Variants in ZNF512 observed in about 807,000 individuals in gnomAD.
The protein encoded by ZNF512 is zinc finger protein 512.
Under a neutral mutation model 77.5 loss-of-function variants are expected in ZNF512, and 25 were observed. The observed-to-expected ratio is 0.32, with a 90% CI of 0.23 to 0.45. ZNF512 has a LOEUF of 0.45. ZNF512 is among the 20% of genes least tolerant of loss of function. The pLI is 1.00. For synonymous variants in ZNF512, 246 were observed against 239.9 expected, an observed-to-expected ratio of 1.03 and a Z score of -0.24; for missense variants, 483 against 692.6, an observed-to-expected ratio of 0.70 and a Z score of 3.40.
chr2:27,618,080 T>C (rs1298497044), intron 13 of ZNF512, among the ~76,000 whole-genome samples: 1 of 151,804 alleles, frequency 6.6e-6, no homozygotes, highest in Non-Finnish European at 1.5e-5. Flanking sequence ...CCACCATGCC[T>C]GGCTAATTTT....
At chr2:27,607,529 A>C (rs1466116268) in intron 9 of ZNF512, among the ~76,000 whole-genome samples, 1 of 151,994 alleles carries the variant, frequency 6.6e-6, no homozygotes, top group East Asian at 1.9e-4. Context: ...CACCATGCCA[A>C]GCTAATTTTT....
chr2:27,594,330 T>C (rs1379917404), intron 2 of ZNF512, among the ~76,000 whole-genome samples: 35 of 85,970 alleles, frequency 4.1e-4, no homozygotes, highest in South Asian at 8.9e-4. Flanking sequence ...CCTCACCTCC[T>C]AAACGGGGTG....
intron 7 of ZNF512, 120 bp from the exon 8 acceptor site, chr2:27,602,343 G>T: frequency 2.4e-6 from 2 of 842,890 alleles, no homozygotes; most frequent in Non-Finnish European, 1.8e-6. Flanking sequence ...CAGAAAACTT[G>T]GGCTTCATTG....
At chr2:27,613,681 G>T (rs1020013760) in intron 10 of ZNF512, among the ~76,000 whole-genome samples, 5 of 151,960 alleles carry the variant, frequency 3.3e-5, no homozygotes, top group African/African-American at 1.2e-4. Flanking sequence ...AATACAGTAT[G>T]CTTGATCCTT....
chr2:27,615,808 A>G (rs1672857097), intron 11 of ZNF512, among the ~76,000 whole-genome samples: 1 of 152,214 alleles, frequency 6.6e-6, no homozygotes, highest in Non-Finnish European at 1.5e-5. Context: ...ATTTGCAGCC[A>G]TCTTTATTTT....
chr2:27,614,531 A>G (rs754898470), intron 10 of ZNF512, among the ~76,000 whole-genome samples: 6 of 152,204 alleles, frequency 3.9e-5, no homozygotes, highest in Non-Finnish European at 7.3e-5. Context: ...AAATATTAAA[A>G]TGATTCAAAA....
intron 9 of ZNF512, among the ~76,000 whole-genome samples, chr2:27,606,659 C>T (rs1672376951): frequency 6.6e-6 from 1 of 152,170 alleles, no homozygotes; most frequent in Admixed American, 6.6e-5. Context: ...CTGTGCCTGG[C>T]CCTCAGTGTA....
intron 7 of ZNF512, 27 bp from the exon 8 acceptor site, chr2:27,602,436 T>A (rs1252392076): frequency 6.2e-7 from 1 of 1,600,356 alleles, no homozygotes; most frequent in Non-Finnish European, 8.5e-7. Flanking sequence ...ATGAATCATC[T>A]TCTTGTTTAC....
rs1221247574 is a variant in ZNF512 at position 27,599,601 on chromosome 2, C to T, written c.296C>T (p.Ala99Val). 1 of 1,614,022 alleles carries T rather than the reference C, an allele frequency of 6.2e-7. No homozygotes were observed. The highest frequency in any genetic ancestry group is 8.5e-7 in the Non-Finnish European group (1 of 1,179,978). ...SHVEGSGGVSAKGKRKPRQEE... is the reference protein window; with the variant it reads ...SHVEGSGGVSVKGKRKPRQEE... The stretch of plus-strand genomic sequence containing the variant: ...ACTTCAGGGTCAGGTGGAGTATCAG[C>T]CAAGGGGAAAAGGAAACCCAGGCAG... Residue 99 changes from alanine to valine, a missense_variant, in exon 4 of 14, where the codon GCC becomes GTC. By Grantham distance (64) the Ala-to-Val change is moderately conservative (BLOSUM62 0). Coordinates refer to ENST00000355467, the MANE Select transcript of ZNF512 (RefSeq NM_032434.4).
rs1673131650 is a variant in ZNF512 at position 27,621,685 on chromosome 2, T to C, written c.*224T>C. The C allele has an allele frequency of 2.1e-6, 1 of 476,316 alleles. No homozygotes were observed. The highest frequency in any genetic ancestry group is 3.9e-5 in the East Asian group (1 of 25,328). The allele number at this position is 476,316 out of a possible 1,614,324, so 29.5% of individuals were successfully genotyped here. A position where few individuals can be genotyped will look rare whatever the true frequency, so the allele number is the denominator to read the frequency against. ...GCTATTCCTCGTCAAGTCCTCTTGTTTTTTTATCTTGCCCAAAGAGCTCCC... is the reference window on the plus strand; with the variant it reads ...GCTATTCCTCGTCAAGTCCTCTTGTCTTTTTATCTTGCCCAAAGAGCTCCC... On this transcript the variant is annotated 3_prime_UTR_variant, in exon 14 of 14. Coordinates refer to ENST00000355467, the MANE Select transcript of ZNF512 (RefSeq NM_032434.4).
rs776681407 is a variant in ZNF512 at position 27,621,258 on chromosome 2, A to G, written c.1501A>G (p.Arg501Gly). Residue 501 changes from arginine to glycine, a missense_variant, in exon 14 of 14, where the codon AGA becomes GGA. Arg to Gly is a moderately radical substitution (Grantham distance 125). Around this residue, in one of 2 missense-constraint regions of ZNF512, gnomAD observed 324 missense variants for 525.0 expected, o/e 0.62. Transcript: ENST00000355467. ...EEKRRQQHRS[R>G]RSLRRRQQPG... ...AAAGCGGAGGCAGCAGCACAGGAGC[A>G]GAAGGTCTCTAAGAAGGCGGCAGCA... 7 of 1,614,090 alleles carry G rather than the reference A, an allele frequency of 4.3e-6. No individual in the cohort carries two copies. The East Asian group carries it at 1.6e-4, about 36-fold the overall frequency.
At chr2:27,601,205 G>A (rs1672100823) in intron 6 of ZNF512, 151 bp from the exon 7 acceptor site, 1 of 599,838 alleles carries the variant, frequency 1.7e-6, no homozygotes, top group Non-Finnish European at 2.8e-6. Context: ...TGCCCTTGAA[G>A]ACATGACACT....
At chr2:27,600,974 C>T (rs57125043) in intron 6 of ZNF512, among the ~76,000 whole-genome samples, 159 bp downstream of exon 6, 4,898 of 152,306 alleles carry the variant, frequency 0.032, 266 homozygotes, top group African/African-American at 0.11. Context: ...TTTGAATCTT[C>T]TCTTAGCCAC....
intron 13 of ZNF512, among the ~76,000 whole-genome samples, chr2:27,617,860 T>C (rs1672948994): frequency 6.8e-6 from 1 of 146,244 alleles, no homozygotes; most frequent in African/African-American, 2.6e-5. Flanking sequence ...TGCAGTGAGC[T>C]GGTTGCGCTA....
intron 2 of ZNF512, among the ~76,000 whole-genome samples, chr2:27,596,561 T>C (rs1050151677): frequency 6.6e-6 from 1 of 152,220 alleles, no homozygotes; most frequent in Non-Finnish European, 1.5e-5. Flanking sequence ...AAATTCTTAC[T>C]TGAGGGAAAA....
At position 27,603,196 on chromosome 2, in the gene ZNF512, T is replaced by C. The variant is rs1317743102; in HGVS notation, c.825T>C (p.Cys275=). Reference sequence around the variant, plus strand: ...GATATCTCTACCATGTCAGAAAATGTGGCAAAGGGGCTGCAGAGCTGGAAA... The same window carrying C: ...GATATCTCTACCATGTCAGAAAATGCGGCAAAGGGGCTGCAGAGCTGGAAA... ...IMGYLYHVRK[C]GKGAAELEKM... is the part of the protein sequence containing the mutation. Residue 275 remains cysteine (C), a synonymous_variant, in exon 9 of 14, where the codon TGT becomes TGC. Coordinates refer to ENST00000355467, the MANE Select transcript of ZNF512 (RefSeq NM_032434.4). 1 of 1,614,176 alleles carries C rather than the reference T, an allele frequency of 6.2e-7. No homozygotes were observed. The highest frequency in any genetic ancestry group is 1.1e-5 in the South Asian group (1 of 91,088).
intron 13 of ZNF512, among the ~76,000 whole-genome samples, chr2:27,620,501 T>C (rs1192390516): frequency 2.0e-5 from 3 of 152,186 alleles, no homozygotes; most frequent in African/African-American, 7.2e-5. Context: ...TTGTTGTTGT[T>C]TGTTTTTGAG....
At position 27,598,196 on chromosome 2, in the gene ZNF512, A is replaced by G; in HGVS notation, c.219A>G (p.Lys73=). The G allele has an allele frequency of 6.2e-7, 1 of 1,614,110 alleles. No homozygotes were observed. The highest frequency in any genetic ancestry group is 8.5e-7 in the Non-Finnish European group (1 of 1,180,014). Reference sequence around the variant, plus strand: ...GTGATTTTCCAGCATCTTTCCGAAAATCTACCTACTGGATGAAGATGAGAA... The same window carrying G: ...GTGATTTTCCAGCATCTTTCCGAAAGTCTACCTACTGGATGAAGATGAGAA... The part of the protein sequence containing the change: ...PVSDFPASFR[K]STYWMKMRRI... The change falls in exon 3 of 14, where the codon AAA becomes AAG. Residue 73 remains lysine, a synonymous_variant. Coordinates refer to ENST00000355467, the MANE Select transcript of ZNF512 (RefSeq NM_032434.4).
chr2:27,606,457 G>A (rs1022418901), intron 9 of ZNF512, among the ~76,000 whole-genome samples: 1 of 151,828 alleles, frequency 6.6e-6, no homozygotes, highest in East Asian at 1.9e-4. Flanking sequence ...CCGCCTCCTG[G>A]GCTCAAGTGA....
Sources: gnomAD v4.1 joint callset for allele counts (sites outside exome capture counted in the v4.1 genomes callset) on GRCh38, gnomAD v4.1.1 for gene constraint, gnomAD v4.1.1 regional missense constraint, MANE v1.5 for transcripts, NCBI Gene and HGNC (gene_info 2026-07-23, HGNC 2026-07-21) for gene names.